Variants in FAT4 observed in about 807,000 individuals in gnomAD.
FAT4 encodes the protein FAT atypical cadherin 4, also known as protocadherin Fat 4.
In FAT4, 84 loss-of-function variants were observed where a neutral mutation model predicts 303.9. The ratio of observed to expected loss-of-function variants is 0.28; its 90% confidence interval spans 0.23 to 0.33. FAT4 has a LOEUF of 0.33. Ranked by LOEUF, FAT4 falls within the 10% of genes least tolerant of loss-of-function variation. The probability of loss-of-function intolerance (pLI) is 1.00; values close to 1 mark genes in which losing one functional copy is unlikely to be tolerated. For missense variants in FAT4, 6,005 were observed against 6,146.8 expected (o/e 0.98, Z 0.77); for synonymous variants, 2,307 against 2,298.8 (o/e 1.00, Z -0.10).
intron 2 of FAT4, among the ~76,000 whole-genome samples, chr4:125,359,378 C>G (rs1478177623): frequency 2.0e-5 from 3 of 152,088 alleles, no homozygotes; most frequent in African/African-American, 7.2e-5. Context: ...GCTAAACTGG[C>G]AATATATGCC....
At chr4:125,325,491 C>A (rs899015678) in intron 2 of FAT4, among the ~76,000 whole-genome samples, 1 of 152,084 alleles carries the variant, frequency 6.6e-6, no homozygotes, top group African/African-American at 2.4e-5. Flanking sequence ...TATGCATACT[C>A]AAATATTTAA....
intron 2 of FAT4, among the ~76,000 whole-genome samples, chr4:125,386,008 GTTAA>G (rs1442991972): frequency 6.6e-6 from 1 of 151,834 alleles, no homozygotes; most frequent in Admixed American, 6.6e-5. Context: ...TTTTCCTTCT[GTTAA>G]TTAGTTTTAA....
intron 16 of FAT4, among the ~76,000 whole-genome samples, chr4:125,486,143 CT>C (rs532857051): frequency 7.8e-4 from 109 of 138,970 alleles, no homozygotes; most frequent in Non-Finnish European, 8.3e-4. Context: ...AAGGCTTTTC[CT>C]TTTTTTTTTT....
intron 2 of FAT4, among the ~76,000 whole-genome samples, chr4:125,327,575 C>A (rs1004799253): frequency 1.3e-5 from 2 of 152,012 alleles, no homozygotes; most frequent in African/African-American, 4.8e-5. Context: ...AAGATGGGTA[C>A]AAATGTGTAT....
intron 2 of FAT4, among the ~76,000 whole-genome samples, chr4:125,348,205 C>T (rs1449664443): frequency 6.6e-6 from 1 of 151,802 alleles, no homozygotes; most frequent in Non-Finnish European, 1.5e-5. Context: ...AAACACCTAA[C>T]ATTGTAGTTT....
chr4:125,488,889 G>A (rs1393652927), intron 17 of FAT4, among the ~76,000 whole-genome samples: 4 of 152,152 alleles, frequency 2.6e-5, no homozygotes, highest in Non-Finnish European at 4.4e-5. Flanking sequence ...TTAACCGTAA[G>A]AGTTAATGGT....
Position 125,321,214 on chromosome 4 carries a change from T to G in FAT4, c.4803T>G (p.Val1601=), listed in dbSNP as rs776391859. 6 of 1,614,154 alleles carry G rather than the reference T, an allele frequency of 3.7e-6. No individual in the cohort carries two copies. Among genetic ancestry groups the G allele is most frequent in the Middle Eastern group, 1.6e-4 (1 of 6,062 alleles). ...CACAGTTGATCTACAATCTCATAGT[T>G]TCAGCAACAGACCTTGGGCCTGAAA... The part of the protein sequence containing the change: ...VPSQLIYNLI[V]SATDLGPERR... The change falls in exon 2 of 18, where the codon GTT becomes GTG. Residue 1601 remains valine, a synonymous_variant. Coordinates refer to ENST00000394329, the MANE Select transcript of FAT4 (RefSeq NM_001291303.3).
At chr4:125,447,401 A>G (rs12498276) in intron 9 of FAT4, among the ~76,000 whole-genome samples, 23,777 of 152,084 alleles carry the variant, frequency 0.16, 2,031 homozygotes, top group South Asian at 0.27. Context: ...CCAATCTAAA[A>G]TATAGGATTC....
chr4:125,399,036 C>A, intron 3 of FAT4, 121 bp downstream of exon 3: 1 of 795,088 alleles, frequency 1.3e-6, no homozygotes, highest in Non-Finnish European at 2.0e-6. Flanking sequence ...TGCTCCTTTC[C>A]AAAGAACATT....
chr4:125,364,108 T>C (rs541238570), intron 2 of FAT4, among the ~76,000 whole-genome samples: 8 of 151,000 alleles, frequency 5.3e-5, no homozygotes, highest in African/African-American at 2.0e-4. Context: ...CTTACTTTTG[T>C]GGATGTTCCT....
intron 2 of FAT4, among the ~76,000 whole-genome samples, chr4:125,326,072 G>GA (rs1402125051): frequency 6.6e-6 from 1 of 151,476 alleles, no homozygotes; most frequent in Non-Finnish European, 1.5e-5. Context: ...TAACAACCAG[G>GA]AAAAAAAGAG....
chr4:125,404,996 C>CTT (rs529702530), intron 3 of FAT4, among the ~76,000 whole-genome samples: 11 of 141,738 alleles, frequency 7.8e-5, no homozygotes, highest in African/African-American at 2.8e-4. Context: ...TCTCAAATTC[C>CTT]TTTTTTTTTT....
intron 8 of FAT4, among the ~76,000 whole-genome samples, chr4:125,440,508 TTTG>T (rs1725615814): frequency 6.6e-6 from 1 of 151,912 alleles, no homozygotes. Context: ...TCACACACAG[TTTG>T]TTTTCTGTTT....
chr4:125,379,986 A>G (rs1330181088), intron 2 of FAT4, among the ~76,000 whole-genome samples: 1 of 151,970 alleles, frequency 6.6e-6, no homozygotes, highest in African/African-American at 2.4e-5. Flanking sequence ...CTCCACCTCC[A>G]GAGTTCAAGT....
intron 7 of FAT4, among the ~76,000 whole-genome samples, chr4:125,421,745 C>T (rs1724902639): frequency 6.6e-6 from 1 of 151,838 alleles, no homozygotes; most frequent in South Asian, 2.1e-4. Flanking sequence ...TGGAGATGAG[C>T]CAGTCCACTT....
Position 125,450,641 on chromosome 4 carries a change from A to G in FAT4, c.9631A>G (p.Ser3211Gly). The change falls in exon 10 of 18, where the codon AGT becomes GGT. Residue 3211 changes from serine (S) to glycine (G), a missense_variant. Physicochemically the swap from Ser to Gly is moderately conservative, Grantham distance 56. Coordinates refer to ENST00000394329, the MANE Select transcript of FAT4 (RefSeq NM_001291303.3). ...CCCTACTGTTTTGGAAAATGCCCCAAGTGGAACAACAGTTATCCACCTAAA... is the reference window on the plus strand; with the variant it reads ...CCCTACTGTTTTGGAAAATGCCCCAGGTGGAACAACAGTTATCCACCTAAA... ...YFPTVLENAP[S>G]GTTVIHLNAT... 1 of 1,614,112 alleles carries G rather than the reference A, an allele frequency of 6.2e-7. No individual in the cohort carries two copies. Among genetic ancestry groups the G allele is most frequent in the Non-Finnish European group, 8.5e-7 (1 of 1,180,002 alleles).
intron 5 of FAT4, among the ~76,000 whole-genome samples, chr4:125,411,731 T>C (rs1172398410): frequency 6.8e-6 from 1 of 146,842 alleles, no homozygotes; most frequent in African/African-American, 2.5e-5. Flanking sequence ...TTACTATTTA[T>C]ATATATTTTT....
chr4:125,328,563 G>T (rs945060659), intron 2 of FAT4, among the ~76,000 whole-genome samples: 5 of 152,232 alleles, frequency 3.3e-5, no homozygotes, highest in Admixed American at 6.5e-5. Context: ...CTACTGGCAG[G>T]TGGGAGCAAG....
chr4:125,347,447 T>C (rs1170549346), intron 2 of FAT4, among the ~76,000 whole-genome samples: 1 of 151,442 alleles, frequency 6.6e-6, no homozygotes, highest in Admixed American at 6.6e-5. Flanking sequence ...TGCCCTTCTT[T>C]TTCCAGTACC....
Sources: gnomAD v4.1 joint callset for allele counts (sites outside exome capture counted in the v4.1 genomes callset) on GRCh38, gnomAD v4.1.1 for gene constraint, MANE v1.5 for transcripts, NCBI Gene and HGNC (gene_info 2026-07-23, HGNC 2026-07-21) for gene names.